PCDHA3: variants seen among roughly 807,000 people sequenced by gnomAD.
The protein encoded by PCDHA3 is protocadherin alpha-3.
A neutral mutation model predicts 62.2 loss-of-function variants in PCDHA3; 41 were observed. The observed-to-expected ratio is 0.66, with a 90% confidence interval of 0.51 to 0.86. The LOEUF is 0.86. Ranked by LOEUF, PCDHA3 falls within the 40% of genes least tolerant of loss-of-function variation. PCDHA3 has a pLI of 0.00. For synonymous variants in PCDHA3, 640 were observed against 555.4 expected (o/e 1.15, Z -2.14); for missense variants, 1,304 against 1,241.2 (o/e 1.05, Z -0.76).
At chr5:140,818,198 T>G (rs2150100405) in intron 1 of PCDHA3, among the ~76,000 whole-genome samples, 49 of 152,344 alleles carry the variant, frequency 3.2e-4, no homozygotes, top group Non-Finnish European at 6.5e-4. Flanking sequence ...TATAAGTACA[T>G]GTATGTTAAA....
At chr5:140,910,116 A>C (rs1205054200) in intron 1 of PCDHA3, among the ~76,000 whole-genome samples, 1 of 152,222 alleles carries the variant, frequency 6.6e-6, no homozygotes, top group Non-Finnish European at 1.5e-5. Flanking sequence ...AAGGGATTCT[A>C]GGTCTGTAAA....
intron 1 of PCDHA3, among the ~76,000 whole-genome samples, chr5:140,900,590 G>A (rs984247729): frequency 3.3e-5 from 5 of 152,174 alleles, no homozygotes; most frequent in South Asian, 2.1e-4. Flanking sequence ...TTCTTTACCC[G>A]TTCATCTGAT....
At chr5:140,870,034 G>GA in intron 1 of PCDHA3, 6 of 1,613,690 alleles carry the variant, frequency 3.7e-6, no homozygotes, top group Non-Finnish European at 5.1e-6. Flanking sequence ...AGATTATGAA[G>GA]AAAACAAGTT....
rs782646556 is a variant in PCDHA3 at position 140,869,083 on chromosome 5, T to G, written c.2394+65492T>G. 1.6e-5 allele frequency: 26 copies of G among 1,582,872 alleles called. No individual in the cohort carries two copies. The South Asian group carries it at 2.9e-4, about 18-fold the overall frequency. On this transcript the variant is annotated intron_variant, in intron 1 of 3. Coordinates refer to ENST00000522353, the MANE Select transcript of PCDHA3 (RefSeq NM_018906.3). ...ACTGTAAGTGTAAAGAAGCTTATTT[T>G]GGAAGCCAATTTCGTATGCGATGTT...
At chr5:140,817,029 A>T (rs2126677120) in intron 1 of PCDHA3, 5 of 152,076 alleles carry the variant, frequency 3.3e-5, no homozygotes, top group Non-Finnish European at 7.4e-5. Flanking sequence ...TGAGAGAGAG[A>T]GTGCTGAGCT....
chr5:140,856,427 G>A lies in PCDHA3; in HGVS notation c.2394+52836G>A, dbSNP rs782109045. ...GGACGTGGAAGTGAAGGACATTAAC[G>A]ACAACCCGCCCAGGTTCTCCGTAAC... On this transcript the variant is annotated intron_variant, in intron 1 of 3. Coordinates refer to ENST00000522353, the MANE Select transcript of PCDHA3 (RefSeq NM_018906.3). The A allele has an allele frequency of 9.4e-6, 15 of 1,598,250 alleles. 1 individual carries two copies. Among genetic ancestry groups the A allele is most frequent in the Non-Finnish European group, 1.3e-5 (15 of 1,167,914 alleles).
At chr5:140,883,311 C>T (rs1562787016) in intron 1 of PCDHA3, 9 of 1,613,984 alleles carry the variant, frequency 5.6e-6, no homozygotes, top group Non-Finnish European at 7.6e-6. Flanking sequence ...GATAACGCCC[C>T]AGAGGTTACC....
chr5:140,819,025 G>A (rs1766475297), intron 1 of PCDHA3, among the ~76,000 whole-genome samples: 2 of 152,122 alleles, frequency 1.3e-5, no homozygotes, highest in African/African-American at 4.8e-5. Flanking sequence ...GGATATTTTA[G>A]CACATTCCCT....
chr5:140,823,449 C>T (rs2150125896), intron 1 of PCDHA3: 6 of 1,613,410 alleles, frequency 3.7e-6, no homozygotes, highest in South Asian at 2.2e-5. Context: ...TGGACGAGAA[C>T]GACAACGCGC....
chr5:140,902,650 G>C (rs868917041), intron 1 of PCDHA3, among the ~76,000 whole-genome samples: 5 of 152,138 alleles, frequency 3.3e-5, no homozygotes, highest in Admixed American at 1.3e-4. Context: ...AGATTTTGGT[G>C]CACCTGTCAC....
At chr5:140,928,056 G>T (rs183490994) in intron 1 of PCDHA3, 1 of 1,614,154 alleles carries the variant, frequency 6.2e-7, no homozygotes, top group Admixed American at 1.7e-5. Flanking sequence ...TTCAGCTGAC[G>T]GCTTCCTTTG....
Position 140,949,361 on chromosome 5 carries a change from G to C in PCDHA3, c.2395-29588G>C, listed in dbSNP as rs150004166. 4.9e-3 allele frequency among the ~76,000 whole-genome samples: 749 copies of C among 151,546 alleles called. 8 individuals are homozygous for C. The highest frequency in any genetic ancestry group is 0.017 in the African/African-American group (722 of 41,420). On this transcript the variant is annotated intron_variant, in intron 1 of 3. Coordinates refer to ENST00000522353, the MANE Select transcript of PCDHA3 (RefSeq NM_018906.3). ...AGATTTTCTGTGTCTTTATTTTTTT[G>C]TCTAGTTGTCCTATCAATTGCTCAG...
intron 1 of PCDHA3, chr5:140,834,155 GT>G: frequency 3.7e-6 from 2 of 535,854 alleles, no homozygotes; most frequent in South Asian, 3.0e-5. Context: ...GTAATGGTTT[GT>G]AATTCTTACT....
At chr5:140,823,299 G>C (rs2150124417) in intron 1 of PCDHA3, 11 of 1,612,248 alleles carry the variant, frequency 6.8e-6, no homozygotes, top group Middle Eastern at 2.0e-4. Context: ...GTTACGTTTC[G>C]GTGCACGCGG....
intron 1 of PCDHA3, chr5:140,966,634 G>A: frequency 9.8e-7 from 1 of 1,022,982 alleles, no homozygotes; most frequent in Non-Finnish European, 1.3e-6. Flanking sequence ...GGCCCCAGGC[G>A]CTTTCTAGAG....
In PCDHA3 at chr5:140,870,746, T is replaced by C. The variant is rs781831995; in HGVS notation, c.2394+67155T>C. 5.0e-6 allele frequency: 8 copies of C among 1,613,488 alleles called. No individual in the cohort carries two copies. The East Asian group carries it at 1.8e-4, about 36-fold the overall frequency. ...GGCGTGCCGCCTCTGAGCAGCAACG[T>C]GACGCTGCAGGTGTTCGTGCTGGAC... On this transcript the variant is annotated intron_variant, in intron 1 of 3. Transcript: ENST00000522353.
chr5:140,883,109 T>A (rs782237873), intron 1 of PCDHA3: 1 of 1,613,962 alleles, frequency 6.2e-7, no homozygotes, highest in Non-Finnish European at 8.5e-7. Context: ...AGTTTACTCA[T>A]TTAGAAGGCC....
At chr5:140,978,703 G>A (rs556167285) in intron 1 of PCDHA3, among the ~76,000 whole-genome samples, 9 of 152,210 alleles carry the variant, frequency 5.9e-5, no homozygotes, top group Non-Finnish European at 1.3e-4. Flanking sequence ...AGCCAAAGGT[G>A]GCCTTTACAA....
At chr5:140,874,124 T>C (rs926046559) in intron 1 of PCDHA3, among the ~76,000 whole-genome samples, 1 of 152,266 alleles carries the variant, frequency 6.6e-6, no homozygotes, top group Non-Finnish European at 1.5e-5. Flanking sequence ...TTATAGTTTA[T>C]TTAAGTTATC....
Sources: gnomAD v4.1 joint callset for allele counts (sites outside exome capture counted in the v4.1 genomes callset) on GRCh38, gnomAD v4.1.1 for gene constraint, MANE v1.5 for transcripts, NCBI Gene and HGNC (gene_info 2026-07-23, HGNC 2026-07-21) for gene names.